Variants in MYO1A observed in about 807,000 individuals in gnomAD.
MYO1A encodes the protein unconventional myosin-Ia.
A neutral mutation model predicts 138.5 loss-of-function variants in MYO1A; 127 were observed. The observed-to-expected ratio is 0.92, with a 90% confidence interval of 0.79 to 1.06. The LOEUF is 1.06. MYO1A is among the 50% of genes least tolerant of loss of function. The pLI is 0.00. For missense variants in MYO1A, 1,211 were observed against 1,288.8 expected (o/e 0.94, Z 0.92); for synonymous variants, 477 against 497.5 (o/e 0.96, Z 0.55).
At chr12:57,041,028 G>A (rs145797449) in intron 14 of MYO1A, among the ~76,000 whole-genome samples, 156 bp downstream of exon 14, 2 of 152,230 alleles carry the variant, frequency 1.3e-5, no homozygotes, top group Non-Finnish European at 2.9e-5. Context: ...GGGCTACTTG[G>A]TAATGCTGGA....
At chr12:57,029,016 C>T (rs1195070536) in intron 27 of MYO1A, 116 bp downstream of exon 27, 9 of 1,597,812 alleles carry the variant, frequency 5.6e-6, no homozygotes, top group Non-Finnish European at 6.9e-6. Context: ...CTGAGAAACA[C>T]CTCCAAGCCC....
chr12:57,028,683 C>T lies in MYO1A; in HGVS notation c.*72G>A. On this transcript the variant is annotated 3_prime_UTR_variant, in exon 28 of 28. Coordinates refer to ENST00000300119, the MANE Select transcript of MYO1A (RefSeq NM_005379.4). ...ATCAGAGGGGTTAGAGATCCTCCCA[C>T]ACAGGAGGGCAGAGGGGGATTAGTG... is the stretch of plus-strand genomic sequence containing the variant. 1 of 1,591,804 alleles carries T rather than the reference C, an allele frequency of 6.3e-7. No homozygotes were observed. The highest frequency in any genetic ancestry group is 8.6e-7 in the Non-Finnish European group (1 of 1,165,702).
At chr12:57,039,466 C>A in intron 14 of MYO1A, 192 bp from the exon 15 acceptor site, 1 of 623,188 alleles carries the variant, frequency 1.6e-6, no homozygotes, top group South Asian at 1.7e-5. Flanking sequence ...GGTGGGTAGA[C>A]AGACACACGG....
Position 57,036,826 on chromosome 12 carries a change from A to C in MYO1A, c.2220T>G (p.Tyr740Ter), listed in dbSNP as rs776793669. 9.8e-5 allele frequency: 159 copies of C among 1,614,240 alleles called. No homozygotes were observed. The highest frequency in any genetic ancestry group is 9.2e-4 in the Admixed American group (55 of 60,022). Reference sequence around the variant, plus strand: ...ATAACACGGATGCCTTTATCTTCCCATAGCATTTCTTTTGCTGTAGAAAAC... The same window carrying C: ...ATAACACGGATGCCTTTATCTTCCCCTAGCATTTCTTTTGCTGTAGAAAAC... ...WFRGNMQKKC[Y>*]GKIKASVLLI... The change falls in exon 21 of 28, where the codon TAT becomes TAG. Residue 740 changes from tyrosine (Y) to a stop codon, truncating the protein, a stop_gained. Transcript: ENST00000300119. LOFTEE classifies it high-confidence loss of function.
At chr12:57,032,181 C>T (rs1552245) in intron 22 of MYO1A, among the ~76,000 whole-genome samples, 13,780 of 152,268 alleles carry the variant, frequency 0.09, 659 homozygotes, top group East Asian at 0.18. Flanking sequence ...TGCCTACACT[C>T]GTCTTTGTAC....
intron 24 of MYO1A, 140 bp downstream of exon 24, chr12:57,030,070 C>T (rs1252464540): frequency 4.1e-6 from 5 of 1,220,292 alleles, no homozygotes; most frequent in Non-Finnish European, 4.8e-6. Context: ...GTCCTCACCC[C>T]AAGACCTGCT....
intron 1 of MYO1A, among the ~76,000 whole-genome samples, chr12:57,048,674 A>G (rs1312741051): frequency 6.6e-6 from 1 of 152,132 alleles, no homozygotes; most frequent in East Asian, 1.9e-4. Context: ...TGACTGAAGG[A>G]GAGAGGGCTG....
At chr12:57,028,925 C>G in intron 27 of MYO1A, 44 bp from the exon 28 acceptor site, 1 of 1,607,856 alleles carries the variant, frequency 6.2e-7, no homozygotes, top group South Asian at 1.1e-5. Flanking sequence ...CATCCCCTCA[C>G]CCCGACTCCC....
At chr12:57,043,473 G>C (rs2136453613) in intron 10 of MYO1A, 115 bp from the exon 11 acceptor site, 1 of 1,030,664 alleles carries the variant, frequency 9.7e-7, no homozygotes, top group Non-Finnish European at 1.5e-6. Context: ...TCTCACTGGA[G>C]AAGTCATTGC....
rs1435231528 is a variant in MYO1A, at chr12:57,044,503, C to T, written c.641-294G>A. On this transcript the variant is annotated intron_variant, in intron 8 of 27. Coordinates refer to ENST00000300119, the MANE Select transcript of MYO1A (RefSeq NM_005379.4). ...TCCCAGGTTCAAGTGATTCTCATGC[C>T]TCAGCCTCCTGTGTAGCTGGGACTA... 6.6e-5 allele frequency among the ~76,000 whole-genome samples: 10 copies of T among 152,314 alleles called. 1 individual carries two copies. The highest frequency in any genetic ancestry group is 2.4e-4 in the African/African-American group (10 of 41,562).
chr12:57,043,392 A>C (rs755627908), intron 10 of MYO1A, 34 bp from the exon 11 acceptor site: 4 of 1,593,916 alleles, frequency 2.5e-6, no homozygotes, highest in Non-Finnish European at 3.4e-6. Context: ...ATGTCCTTAG[A>C]GGCAGCTTTC....
At position 57,037,651 on chromosome 12, in the gene MYO1A, C is replaced by T. The variant is rs758679670; in HGVS notation, c.1962-10G>A. 1.2e-6 allele frequency: 2 copies of T among 1,613,136 alleles called. No homozygotes were observed. The highest frequency in any genetic ancestry group is 1.3e-5 in the African/African-American group (1 of 74,906). ...CTTCTCAACACCTTCCCTATGGAAG[C>T]AAATGACAGAAAGCTGCAGAGGGGT... On this transcript the variant is annotated splice_polypyrimidine_tract_variant and intron_variant, in intron 18 of 27. Coordinates refer to ENST00000300119, the MANE Select transcript of MYO1A (RefSeq NM_005379.4).
intron 3 of MYO1A, 74 bp downstream of exon 3, chr12:57,047,915 G>A (rs892655129): frequency 6.3e-7 from 1 of 1,574,972 alleles, no homozygotes; most frequent in Admixed American, 1.8e-5. Context: ...CAGGGGAAGG[G>A]ACAAAGGAAA....
rs1167060924 is a variant in MYO1A, at chr12:57,030,266, C to T, written c.2535G>A (p.Arg845=). ...QLSPKQVEIL[R]EKLCASELFK... ...ACAGTTCACTGGCACAGAGCTTTTC[C>T]CTCAGGATCTCTACCTGCTTCGGGG... The change falls in exon 24 of 28, where the codon AGG becomes AGA. Residue 845 remains arginine, a synonymous_variant. Coordinates refer to ENST00000300119, the MANE Select transcript of MYO1A (RefSeq NM_005379.4). 6.2e-7 allele frequency: 1 copy of T among 1,614,032 alleles called. No homozygotes were observed. The highest frequency in any genetic ancestry group is 2.2e-5 in the East Asian group (1 of 44,894).
At chr12:57,032,331 G>A (rs182722872) in intron 22 of MYO1A, among the ~76,000 whole-genome samples, 125 of 152,240 alleles carry the variant, frequency 8.2e-4, no homozygotes, top group African/African-American at 3.0e-3. Flanking sequence ...CTAGGTACTG[G>A]GACATAACAG....
At chr12:57,032,788 G>A (rs1216531026) in intron 22 of MYO1A, among the ~76,000 whole-genome samples, 1 of 152,174 alleles carries the variant, frequency 6.6e-6, no homozygotes, top group Non-Finnish European at 1.5e-5. Context: ...GTGGTAAGGA[G>A]TGAAATGGAA....
chr12:57,034,534 C>T (rs551805082), intron 22 of MYO1A, among the ~76,000 whole-genome samples: 2 of 151,434 alleles, frequency 1.3e-5, no homozygotes, highest in South Asian at 2.1e-4. Flanking sequence ...ATTAGCCAGG[C>T]GTGGTGGCAT....
At chr12:57,047,863 C>T in intron 3 of MYO1A, 126 bp downstream of exon 3, 1 of 1,558,888 alleles carries the variant, frequency 6.4e-7, no homozygotes, top group Non-Finnish European at 8.7e-7. Flanking sequence ...GAAGGGGCCT[C>T]CAGAAGGCCA....
At position 57,029,207 on chromosome 12, in the gene MYO1A, A is replaced by G. The variant is rs1320284918; in HGVS notation, c.2930T>C (p.Ile977Thr). The G allele has an allele frequency of 6.2e-7, 1 of 1,614,128 alleles. No individual in the cohort carries two copies. Among genetic ancestry groups the G allele is most frequent in the Non-Finnish European group, 8.5e-7 (1 of 1,180,034 alleles). ...CCGGTACATTTTGGTCAGCAGTTCA[A>G]TCACATGCTCGCTGACCAGCAGGAA... ...GDFLLVSEHV[I>T]ELLTKMYRAV... Residue 977 changes from isoleucine to threonine, a missense_variant, in exon 27 of 28, where the codon ATT becomes ACT. Coordinates refer to ENST00000300119, the MANE Select transcript of MYO1A (RefSeq NM_005379.4).
Sources: gnomAD v4.1 joint callset for allele counts (sites outside exome capture counted in the v4.1 genomes callset) on GRCh38, gnomAD v4.1.1 for gene constraint, MANE v1.5 for transcripts, NCBI Gene and HGNC (gene_info 2026-07-23, HGNC 2026-07-21) for gene names.